The following PCID2 variants were observed in gnomAD, a reference collection of about 807,000 sequenced individuals.
The protein encoded by PCID2 is PCI domain-containing protein 2.
In PCID2, 41 loss-of-function variants were observed where a neutral mutation model predicts 61.3. The ratio of observed to expected loss-of-function variants is 0.67; its 90% CI spans 0.52 to 0.87. PCID2 has a LOEUF of 0.87. PCID2 is among the 40% of genes least tolerant of loss of function. The probability of loss-of-function intolerance (pLI) is 0.00; values close to 1 mark genes in which losing one functional copy is unlikely to be tolerated. For missense variants in PCID2, 392 were observed against 493.4 expected, an observed-to-expected ratio of 0.79 and a Z score of 1.95; for synonymous variants, 187 against 177.8, an observed-to-expected ratio of 1.05 and a Z score of -0.41.
chr13:113,207,168 T>A (rs1047313947), intron 1 of PCID2, among the ~76,000 whole-genome samples: 1 of 152,240 alleles, frequency 6.6e-6, no homozygotes, highest in South Asian at 2.1e-4. Context: ...TGTTCTCATA[T>A]CCAGATGTGT....
the PCID2 span, chr13:113,172,353 TAATAA>T: frequency 5.5e-6 from 3 of 541,414 alleles, no homozygotes; most frequent in South Asian, 4.1e-5. Context: ...ATACGTTAAA[TAATAA>T]AATAAGATAA....
chr13:113,180,935 A>T (rs2037573530), intron 10 of PCID2, among the ~76,000 whole-genome samples, 195 bp downstream of exon 10: 1 of 152,228 alleles, frequency 6.6e-6, no homozygotes, highest in East Asian at 1.9e-4. Context: ...TTCTAGAAGG[A>T]CCTGGAGGCG....
At chr13:113,201,030 T>G (rs1450283879) in intron 1 of PCID2, among the ~76,000 whole-genome samples, 1 of 152,172 alleles carries the variant, frequency 6.6e-6, no homozygotes, top group Non-Finnish European at 1.5e-5. Flanking sequence ...TTATTCTAAT[T>G]TTACTCAATC....
chr13:113,195,157 G>A (rs762492606), intron 5 of PCID2, 32 bp from the exon 6 acceptor site: 5 of 1,400,880 alleles, frequency 3.6e-6, no homozygotes, highest in South Asian at 1.2e-5. Flanking sequence ...AAGTGTGAGG[G>A]GCTACGTGGG....
chr13:113,196,946 T>C, intron 4 of PCID2: 1 of 1,081,746 alleles, frequency 9.2e-7, no homozygotes. Context: ...CAGAGTAAGA[T>C]CCTTCTTCCT....
At chr13:113,200,558 T>C (rs1383650634) in intron 1 of PCID2, 42 bp from the exon 2 acceptor site, 1 of 1,333,130 alleles carries the variant, frequency 7.5e-7, no homozygotes, top group East Asian at 2.3e-5. Context: ...AAATAAAATA[T>C]TCTGTTCGAA....
At chr13:113,171,703 G>T in the PCID2 span, 1 of 1,613,744 alleles carries the variant, frequency 6.2e-7, no homozygotes, top group Non-Finnish European at 8.5e-7. The surrounding 1 kb of genome is among the most constrained non-coding windows in gnomAD (Gnocchi z 5.1). Context: ...TGCTGGAGCT[G>T]GAGTGGCCCA....
intron 13 of PCID2, 27 bp downstream of exon 13, chr13:113,178,939 C>G: frequency 1.2e-6 from 2 of 1,600,872 alleles, no homozygotes; most frequent in Non-Finnish European, 1.7e-6. Context: ...TGAGTAGCTG[C>G]TTAAATTAAA....
chr13:113,205,762 C>A (rs2039763173), intron 1 of PCID2, among the ~76,000 whole-genome samples: 1 of 152,214 alleles, frequency 6.6e-6, no homozygotes, highest in Non-Finnish European at 1.5e-5. Context: ...CCAGAGTCAG[C>A]AAATCCATAC....
At chr13:113,197,286 A>T in intron 3 of PCID2, 43 bp from the exon 4 acceptor site, 2 of 1,394,164 alleles carry the variant, frequency 1.4e-6, no homozygotes, top group Non-Finnish European at 2.0e-6. Flanking sequence ...ATAAAAACCT[A>T]GCACTAGTTA....
chr13:113,174,091 T>G (rs184623797), downstream of PCID2, among the ~76,000 whole-genome samples: 4 of 151,572 alleles, frequency 2.6e-5, no homozygotes, highest in East Asian at 7.8e-4. Flanking sequence ...AAAAAATCTT[T>G]GCCAAGCGTG....
At chr13:113,195,003 T>C (rs2038902026) in intron 6 of PCID2, 68 bp downstream of exon 6, 2 of 1,109,866 alleles carry the variant, frequency 1.8e-6, no homozygotes, top group South Asian at 2.5e-5. Flanking sequence ...AAGAATGACA[T>C]GAAATTAAAC....
chr13:113,196,120 T>TA, intron 5 of PCID2, 61 bp downstream of exon 5: 3 of 1,247,334 alleles, frequency 2.4e-6, no homozygotes, highest in Non-Finnish European at 3.5e-6. Context: ...AGCAAATTTG[T>TA]AAAAAGATTC....
At chr13:113,175,772 C>T (rs1021604222), downstream of PCID2, among the ~76,000 whole-genome samples, 28 of 152,230 alleles carry the variant, frequency 1.8e-4, no homozygotes, top group African/African-American at 6.0e-4. Flanking sequence ...TCATCTCTCG[C>T]GTGTACGTGT....
rs1595148166 is a variant in PCID2, at chr13:113,179,809, G to A, written c.986+108C>T. ...TCCCACACAATGGAAGGAAGATAAC[G>A]ACCCCACCCACACGGTGGCCTTCTC... On this transcript the variant is annotated intron_variant, in intron 12 of 13. Coordinates refer to ENST00000337344, the MANE Select transcript of PCID2 (RefSeq NM_001127202.4). The surrounding 1 kb of genome is among the most constrained non-coding windows in gnomAD (Gnocchi z 4.3). The A allele has an allele frequency of 2.5e-5, 28 of 1,106,470 alleles. No individual in the cohort carries two copies. Among genetic ancestry groups the A allele is most frequent in the Non-Finnish European group, 3.2e-5 (25 of 776,508 alleles). The allele number at this position is 1,106,470 out of a possible 1,614,324, so 68.5% of individuals were successfully genotyped here.
At chr13:113,195,216 C>T (rs570160408) in intron 5 of PCID2, 91 bp from the exon 6 acceptor site, 1 of 815,740 alleles carries the variant, frequency 1.2e-6, no homozygotes, top group Admixed American at 1.8e-5. Flanking sequence ...CCCAGGGCTA[C>T]TATCCAGAAT....
chr13:113,191,836 T>C (rs2038643375), intron 6 of PCID2, among the ~76,000 whole-genome samples: 1 of 152,214 alleles, frequency 6.6e-6, no homozygotes, highest in South Asian at 2.1e-4. Context: ...AAAACAGCAA[T>C]AGGTAAAATG....
At position 113,190,877 on chromosome 13, in the gene PCID2, G is replaced by A. The variant is rs139776219; in HGVS notation, c.462C>T (p.Ser154=). The A allele has an allele frequency of 9.1e-5, 146 of 1,606,756 alleles. No individual in the cohort carries two copies. In the African/African-American group the frequency reaches 1.4e-3, roughly 15 times the overall value. Residue 154 remains serine (S), a synonymous_variant, in exon 7 of 14, where the codon AGC becomes AGT. Transcript: ENST00000337344. The part of the protein sequence containing the change: ...LLMSCFRVCA[S]DTRAGIEDSK... ...GTCCTCAAGTCCTTACTCACGTGTC[G>A]CTGGCACAGACCCGGAAACAGCTCA...
At chr13:113,206,794 A>G (rs192648210) in intron 1 of PCID2, among the ~76,000 whole-genome samples, 153 of 152,366 alleles carry the variant, frequency 1.0e-3, no homozygotes, top group African/African-American at 3.4e-3. Context: ...CAGTGGCTAC[A>G]CTGCCCTTTG....
Sources: gnomAD v4.1 joint callset for allele counts (sites outside exome capture counted in the v4.1 genomes callset) on GRCh38, gnomAD v4.1.1 for gene constraint, Gnocchi (gnomAD v3.1) non-coding constraint, MANE v1.5 for transcripts, NCBI Gene and HGNC (gene_info 2026-07-23, HGNC 2026-07-21) for gene names.